Variants in SEMA3D observed in about 807,000 individuals in gnomAD.
SEMA3D encodes semaphorin-3D.
A neutral mutation model predicts 100.1 loss-of-function variants in SEMA3D; 84 were observed. The observed-to-expected ratio is 0.84, with a 90% confidence interval of 0.70 to 1.01. The LOEUF is 1.01. SEMA3D is among the 50% of genes least tolerant of loss of function. The probability of loss-of-function intolerance (pLI) is 0.00; values close to 1 mark genes in which losing one functional copy is unlikely to be tolerated. For synonymous variants in SEMA3D, 312 were observed against 320.7 expected (o/e 0.97, Z 0.29); for missense variants, 875 against 934.1 (o/e 0.94, Z 0.82).
At chr7:85,160,064 T>A in intron 1 of SEMA3D, 1 of 931,536 alleles carries the variant, frequency 1.1e-6, no homozygotes, top group Non-Finnish European at 1.3e-6. Context: ...CTGCAAACAG[T>A]AATACTGAAA....
chr7:84,999,800 C>G lies in SEMA3D; in HGVS notation c.1974G>C (p.Lys658Asn). The G allele has an allele frequency of 6.2e-7, 1 of 1,613,986 alleles. No homozygotes were observed. Among genetic ancestry groups the G allele is most frequent in the South Asian group, 1.1e-5 (1 of 91,084 alleles). The change falls in exon 19 of 19, where the codon AAG becomes AAC. Residue 658 changes from lysine to asparagine, a missense_variant. Lys to Asn is a moderately conservative substitution (Grantham distance 94). Transcript: ENST00000284136. ...YGLLIRSLQK[K>N]DSGMYYCKAQ... ...CTTTGCAGTAATACATCCCAGAATC[C>G]TTCTTCTGCAAACTTCGAATCAGTA... is the stretch of plus-strand genomic sequence containing the variant.
At position 85,158,474 on chromosome 7, in the gene SEMA3D, G is replaced by A. The variant is rs139087594; in HGVS notation, c.-172-4735C>T. Among the ~76,000 whole-genome samples, 1,514 of 152,266 alleles carry A rather than the reference G, an allele frequency of 9.9e-3. 14 individuals carry two copies. Among genetic ancestry groups the A allele is most frequent in the Non-Finnish European group, 0.017 (1,188 of 68,020 alleles). On this transcript the variant is annotated intron_variant, in intron 1 of 18. Coordinates refer to ENST00000284136, the MANE Select transcript of SEMA3D (RefSeq NM_001384900.1). ...ATTCCTGCCTAATAAATTTTGGTCA[G>A]ACCGATTGTCTGCTCTCAAACTCTA...
chr7:85,006,867 G>T lies in SEMA3D; in HGVS notation c.1843C>A (p.Pro615Thr), dbSNP rs117730916. The T allele has an allele frequency of 3.9e-3, 6,256 of 1,610,048 alleles. 20 individuals are homozygous for T. The highest frequency in any genetic ancestry group is 4.7e-3 in the Non-Finnish European group (5,591 of 1,177,366). ...EFNSTFLECI[P>T]KSQQATIKWY... ...TTAATAGTTGCTTGTTGGGATTTAG[G>T]TATACATTCCAGAAAGGTTGAGTTA... The change falls in exon 18 of 19, where the codon CCT becomes ACT. Residue 615 changes from proline (P) to threonine (T), a missense_variant. Pro to Thr is a conservative substitution (Grantham distance 38). Coordinates refer to ENST00000284136, the MANE Select transcript of SEMA3D (RefSeq NM_001384900.1).
intron 2 of SEMA3D, chr7:85,141,068 T>C: frequency 1.1e-6 from 1 of 892,782 alleles, no homozygotes; most frequent in Non-Finnish European, 1.3e-6. Flanking sequence ...GTTTTCATTT[T>C]ATTTAATATT....
chr7:85,243,034 T>A, the SEMA3D span, among the ~76,000 whole-genome samples: 1 of 152,042 alleles, frequency 6.6e-6, no homozygotes, highest in Non-Finnish European at 1.5e-5. Context: ...AGCCTGTGAC[T>A]CTGGACTGTT....
At chr7:85,000,042 A>C (rs1308174505) in intron 18 of SEMA3D, among the ~76,000 whole-genome samples, 177 bp from the exon 19 acceptor site, 10 of 152,164 alleles carry the variant, frequency 6.6e-5, no homozygotes, top group African/African-American at 1.9e-4. Context: ...AAAATTCAAC[A>C]AAAGTAATAG....
chr7:85,040,830 CT>C (rs1790839775), intron 10 of SEMA3D, 88 bp from the exon 11 acceptor site: 1 of 679,124 alleles, frequency 1.5e-6, no homozygotes, highest in African/African-American at 1.8e-5. Context: ...CTCTGAAAAT[CT>C]AAACAGTTTA....
intron 8 of SEMA3D, among the ~76,000 whole-genome samples, chr7:85,059,053 A>G (rs1791404486): frequency 6.6e-6 from 1 of 152,296 alleles, no homozygotes; most frequent in East Asian, 1.9e-4. Flanking sequence ...AACAATGAAC[A>G]GAGAAAAACA....
At chr7:85,210,883 T>C in the SEMA3D span, among the ~76,000 whole-genome samples, 1 of 152,090 alleles carries the variant, frequency 6.6e-6, no homozygotes, top group East Asian at 1.9e-4. Context: ...GCTAAAGTAT[T>C]CTACTATAAC....
At chr7:85,232,627 T>C in the SEMA3D span, among the ~76,000 whole-genome samples, 1 of 152,164 alleles carries the variant, frequency 6.6e-6, no homozygotes, top group Non-Finnish European at 1.5e-5. Context: ...CTTTTTCTCT[T>C]TTATTGTCGT....
the SEMA3D span, among the ~76,000 whole-genome samples, chr7:85,196,712 A>G: frequency 6.6e-6 from 1 of 152,180 alleles, no homozygotes; most frequent in Non-Finnish European, 1.5e-5. Flanking sequence ...AATATTTTTT[A>G]AATTTTATAA....
chr7:85,196,152 C>G, the SEMA3D span, among the ~76,000 whole-genome samples: 1 of 152,094 alleles, frequency 6.6e-6, no homozygotes, highest in Non-Finnish European at 1.5e-5. Flanking sequence ...TTTTCCCCCG[C>G]AACATTTCTC....
At chr7:85,196,629 T>C in the SEMA3D span, among the ~76,000 whole-genome samples, 1 of 152,026 alleles carries the variant, frequency 6.6e-6, no homozygotes, top group South Asian at 2.1e-4. Context: ...GGCAACCTAG[T>C]AGAAACAGGG....
At chr7:85,055,467 G>A (rs1254692591) in intron 9 of SEMA3D, among the ~76,000 whole-genome samples, 1 of 151,256 alleles carries the variant, frequency 6.6e-6, no homozygotes, top group Non-Finnish European at 1.5e-5. Flanking sequence ...AAACTGTAAT[G>A]TTTGAAAAAT....
chr7:85,070,432 C>A (rs1286396143), intron 6 of SEMA3D, among the ~76,000 whole-genome samples: 1 of 152,292 alleles, frequency 6.6e-6, no homozygotes, highest in South Asian at 2.1e-4. Context: ...ATAGCAGTCC[C>A]TGAAGTATAC....
At chr7:85,207,884 GA>G in the SEMA3D span, among the ~76,000 whole-genome samples, 1 of 151,784 alleles carries the variant, frequency 6.6e-6, no homozygotes, top group African/African-American at 2.4e-5. Context: ...TTTATTATAG[GA>G]AAAAAATCAT....
intron 3 of SEMA3D, among the ~76,000 whole-genome samples, chr7:85,109,660 G>A (rs959299740): frequency 6.6e-6 from 1 of 151,868 alleles, no homozygotes; most frequent in Non-Finnish European, 1.5e-5. Flanking sequence ...TATATTACTA[G>A]TTCTTAAGAA....
chr7:85,028,376 A>T, intron 12 of SEMA3D: 1 of 430,826 alleles, frequency 2.3e-6, no homozygotes, highest in Non-Finnish European at 4.0e-6. Flanking sequence ...TATTGCTTAC[A>T]GTTTAGACAA....
upstream of SEMA3D, among the ~76,000 whole-genome samples, chr7:85,188,239 T>C (rs1791615920): frequency 6.6e-6 from 1 of 152,084 alleles, no homozygotes; most frequent in South Asian, 2.1e-4. Flanking sequence ...GATGGCAGAG[T>C]CAGGCTAAGG....
Sources: allele counts gnomAD v4.1 joint callset (sites outside exome capture counted in the v4.1 genomes callset), GRCh38; gene constraint gnomAD v4.1.1; transcripts MANE v1.5; gene names NCBI Gene and HGNC (gene_info 2026-07-23, HGNC 2026-07-21).